The following PDE7B variants were observed in gnomAD, a reference collection of about 807,000 sequenced individuals.
The protein encoded by PDE7B is phosphodiesterase 7B.
PDE7B carries 29 observed loss-of-function variants against 56.2 expected under a neutral mutation model. The observed-to-expected ratio is 0.52, with a 90% CI of 0.38 to 0.70. The LOEUF is 0.70. Ranked by LOEUF, PDE7B falls within the 30% of genes least tolerant of loss-of-function variation. The pLI is 0.00. For synonymous variants in PDE7B, 197 were observed against 196.9 expected (o/e 1.00, Z 0.00); for missense variants, 490 against 565.0 (o/e 0.87, Z 1.35).
At chr6:135,870,524 T>TCACCTAATAAACTAAATTTGA (rs1775357766) in intron 1 of PDE7B, among the ~76,000 whole-genome samples, 1 of 151,008 alleles carries the variant, frequency 6.6e-6, no homozygotes, top group Non-Finnish European at 1.5e-5. Context: ...ACTTGTGAAA[T>TCACCTAATAAACTAAATTTGA]GTACATTTCA....
chr6:135,986,061 A>T (rs936696954), intron 2 of PDE7B, among the ~76,000 whole-genome samples: 1 of 152,176 alleles, frequency 6.6e-6, no homozygotes, highest in African/African-American at 2.4e-5. Context: ...CATATTGCTC[A>T]CTAGAGACCC....
chr6:135,901,548 T>C (rs1482399158), intron 1 of PDE7B, among the ~76,000 whole-genome samples: 1 of 152,148 alleles, frequency 6.6e-6, no homozygotes, highest in Non-Finnish European at 1.5e-5. Flanking sequence ...GGGTACTCTC[T>C]TCTTCCTGTC....
chr6:136,110,717 T>G (rs944491671), intron 3 of PDE7B, among the ~76,000 whole-genome samples: 4 of 151,950 alleles, frequency 2.6e-5, no homozygotes, highest in Non-Finnish European at 5.9e-5. Flanking sequence ...GCAACATTTT[T>G]TTTTTTTTTT....
rs1337255027 is a variant in PDE7B at position 135,934,847 on chromosome 6, TTAAA to T, written c.22-12610_22-12607del. Among the ~76,000 whole-genome samples, 527 of 100,858 alleles carry T rather than the reference TTAAA, an allele frequency of 5.2e-3. 6 individuals carry two copies. The highest frequency in any genetic ancestry group is 0.019 in the African/African-American group (494 of 25,536). The allele number at this position is 100,858 out of a possible 152,430, so 66.2% of individuals were successfully genotyped here. On this transcript the variant is annotated intron_variant, in intron 1 of 12. Transcript: ENST00000308191. ...TTAATAAATAAATATATATATTTAT[TTAAA>T]TAAATATATATAAAAATATATATAA...
chr6:135,963,693 C>A (rs1012706531), intron 2 of PDE7B, among the ~76,000 whole-genome samples: 33 of 138,416 alleles, frequency 2.4e-4, no homozygotes, highest in South Asian at 9.1e-4. Flanking sequence ...AAAGAAATAA[C>A]CTGTTGGTAA....
At chr6:136,032,134 A>T (rs1234252012) in intron 2 of PDE7B, among the ~76,000 whole-genome samples, 1 of 152,220 alleles carries the variant, frequency 6.6e-6, no homozygotes, top group Non-Finnish European at 1.5e-5. Context: ...AAGTTATAAA[A>T]ATGTTTGAGA....
chr6:136,111,223 C>A (rs968343863), intron 3 of PDE7B: 11 of 152,154 alleles, frequency 7.2e-5, no homozygotes, highest in Admixed American at 3.3e-4. Flanking sequence ...TAAAGACAGT[C>A]TTCTCTTTAT....
intron 2 of PDE7B, among the ~76,000 whole-genome samples, chr6:136,000,207 C>A (rs1276715681): frequency 6.6e-6 from 1 of 152,166 alleles, no homozygotes; most frequent in East Asian, 1.9e-4. Flanking sequence ...GTTGTCTGTT[C>A]AATCTGTTGA....
intron 8 of PDE7B, among the ~76,000 whole-genome samples, chr6:136,157,473 G>A (rs1264692316): frequency 6.6e-6 from 1 of 152,196 alleles, no homozygotes; most frequent in Admixed American, 6.5e-5. Context: ...AGCTACTTGG[G>A]AGGCTGAGAC....
chr6:136,127,458 A>C (rs899156629), intron 3 of PDE7B, among the ~76,000 whole-genome samples: 2 of 152,176 alleles, frequency 1.3e-5, no homozygotes, highest in African/African-American at 4.8e-5. Flanking sequence ...TTTGGTTCCA[A>C]AGTGTCTTAA....
chr6:136,060,544 C>T (rs1164903518), intron 2 of PDE7B, among the ~76,000 whole-genome samples: 2 of 152,128 alleles, frequency 1.3e-5, no homozygotes. Context: ...ATTATAATAA[C>T]TTTCATGAGA....
chr6:136,181,711 C>T (rs1779070048), intron 11 of PDE7B, among the ~76,000 whole-genome samples: 1 of 151,942 alleles, frequency 6.6e-6, no homozygotes, highest in African/African-American at 2.4e-5. Context: ...ATGTTTTCCA[C>T]TCTGACAGAA....
At chr6:135,856,326 A>G (rs868022645) in intron 1 of PDE7B, among the ~76,000 whole-genome samples, 11 of 152,204 alleles carry the variant, frequency 7.2e-5, no homozygotes, top group Non-Finnish European at 4.4e-5. Context: ...GCTTTGTGAA[A>G]ATTGTAGCTA....
chr6:136,104,935 G>A (rs1166563950), intron 2 of PDE7B, among the ~76,000 whole-genome samples: 1 of 152,160 alleles, frequency 6.6e-6, no homozygotes, highest in Non-Finnish European at 1.5e-5. Flanking sequence ...TTCCTTATTT[G>A]TTGTTATTGC....
At chr6:135,970,492 T>C (rs1775076153) in intron 2 of PDE7B, among the ~76,000 whole-genome samples, 1 of 152,140 alleles carries the variant, frequency 6.6e-6, no homozygotes, top group Non-Finnish European at 1.5e-5. Context: ...GCAAATCACC[T>C]GGGCATATTG....
chr6:136,058,166 G>A lies in PDE7B; in HGVS notation c.83-50565G>A, dbSNP rs544025890. 5.9e-5 allele frequency among the ~76,000 whole-genome samples: 9 copies of A among 152,212 alleles called. No individual in the cohort carries two copies. In the East Asian group the frequency reaches 1.2e-3, roughly 20 times the overall value. ...CAGATCTTTCCAAAGCACCAGATAG[G>A]GGGGAACTCAAAAATCAGGGGTTTT... On this transcript the variant is annotated intron_variant, in intron 2 of 12. Coordinates refer to ENST00000308191, the MANE Select transcript of PDE7B (RefSeq NM_018945.4).
At chr6:136,153,807 A>G (rs905872204) in intron 6 of PDE7B, among the ~76,000 whole-genome samples, 5 of 152,120 alleles carry the variant, frequency 3.3e-5, no homozygotes, top group African/African-American at 7.2e-5. Flanking sequence ...AATGTCAGAA[A>G]GGGGGGATTT....
chr6:136,085,235 G>A (rs1264083873), intron 2 of PDE7B, among the ~76,000 whole-genome samples: 2 of 152,190 alleles, frequency 1.3e-5, no homozygotes, highest in Non-Finnish European at 2.9e-5. Flanking sequence ...TGCACAGTCT[G>A]ACTTCACTTC....
chr6:136,105,779 C>T (rs994100091), intron 2 of PDE7B, among the ~76,000 whole-genome samples: 1 of 152,150 alleles, frequency 6.6e-6, no homozygotes, highest in African/African-American at 2.4e-5. Context: ...GTGTATTGCC[C>T]TCCCTTCATC....
Sources: allele counts gnomAD v4.1 joint callset (sites outside exome capture counted in the v4.1 genomes callset), GRCh38; gene constraint gnomAD v4.1.1; transcripts MANE v1.5; gene names NCBI Gene and HGNC (gene_info 2026-07-23, HGNC 2026-07-21).